LRRC27: variants seen among roughly 807,000 people sequenced by gnomAD.
LRRC27 encodes leucine rich repeat containing 27.
LRRC27 carries 57 observed loss-of-function variants against 55.0 expected under a neutral mutation model. The ratio of observed to expected loss-of-function variants is 1.04; its 90% confidence interval spans 0.84 to 1.29. LRRC27 has a LOEUF of 1.29. Among genes scored for constraint, LRRC27 ranks in the 50% most tolerant of loss-of-function variants. The pLI is 0.00. For missense variants in LRRC27, 721 were observed against 651.5 expected (o/e 1.11, Z -1.16); for synonymous variants, 278 against 251.9 (o/e 1.10, Z -0.98).
chr10:132,335,895 T>C (rs1485215735), intron 2 of LRRC27, among the ~76,000 whole-genome samples: 1 of 152,208 alleles, frequency 6.6e-6, no homozygotes, highest in Non-Finnish European at 1.5e-5. Flanking sequence ...ACTTTCATCT[T>C]AGACTAATCT....
intron 2 of LRRC27, chr10:132,336,770 G>T (rs374902106): frequency 2.3e-5 from 18 of 772,242 alleles, no homozygotes; most frequent in Middle Eastern, 2.3e-4. Flanking sequence ...TCATTGTTCC[G>T]AACATCTGTT....
At chr10:132,366,769 C>A in intron 10 of LRRC27, 1 of 1,091,546 alleles carries the variant, frequency 9.2e-7, no homozygotes, top group Non-Finnish European at 1.2e-6. Context: ...GGGGAGGAAG[C>A]AACCCTGGCC....
chr10:132,344,450 C>G (rs1253230901), intron 4 of LRRC27, 48 bp from the exon 5 acceptor site: 3 of 1,531,114 alleles, frequency 2.0e-6, no homozygotes, highest in Non-Finnish European at 2.7e-6. Context: ...ATTTTCATTT[C>G]AAGAATGGTA....
At position 132,378,566 on chromosome 10, in the gene LRRC27, T is replaced by G. The variant is rs778873301; in HGVS notation, c.*3324T>G. 1 of 152,304 alleles carries G rather than the reference T, an allele frequency of 6.6e-6. No individual in the cohort carries two copies. Among genetic ancestry groups the G allele is most frequent in the Non-Finnish European group, 1.5e-5 (1 of 68,112 alleles). 9.4% of individuals were successfully genotyped at this position (152,304 alleles called of 1,614,324 possible). A position where few individuals can be genotyped will look rare whatever the true frequency, so the allele number is the denominator to read the frequency against. ...GTGTGGCTGTAACCTGCACGTCTCT[T>G]CTGTCATGTGTTCTATTTTTCATTC... On this transcript the variant is annotated 3_prime_UTR_variant, in exon 11 of 11. Coordinates refer to ENST00000368614, the MANE Select transcript of LRRC27 (RefSeq NM_030626.3).
intron 8 of LRRC27, among the ~76,000 whole-genome samples, chr10:132,360,551 G>A (rs1288293986): frequency 6.6e-6 from 1 of 152,146 alleles, no homozygotes; most frequent in African/African-American, 2.4e-5. Context: ...GATAGGAAAA[G>A]GTTGGTGGGT....
chr10:132,376,302 A>G lies in LRRC27; in HGVS notation c.*1060A>G, dbSNP rs2069336151. ...TGTCTCATGGGTCTCTGCGCCCTGCACTTCGTACTTTCCGAGAGTTTAACT... is the reference window on the plus strand; with the variant it reads ...TGTCTCATGGGTCTCTGCGCCCTGCGCTTCGTACTTTCCGAGAGTTTAACT... On this transcript the variant is annotated 3_prime_UTR_variant, in exon 11 of 11. Transcript: ENST00000368614. The G allele has an allele frequency of 1.3e-5, 2 of 152,230 alleles. No homozygotes were observed. The highest frequency in any genetic ancestry group is 2.9e-5 in the Non-Finnish European group (2 of 68,050). The allele number at this position is 152,230 out of a possible 1,614,324, so 9.4% of individuals were successfully genotyped here.
rs138072740 is a variant in LRRC27 at position 132,351,696 on chromosome 10, G to C, written c.1016G>C (p.Arg339Pro). The change falls in exon 7 of 11, where the codon CGA becomes CCA. Residue 339 changes from arginine (R) to proline (P), a missense_variant. Coordinates refer to ENST00000368614, the MANE Select transcript of LRRC27 (RefSeq NM_030626.3). ...CGAGCAAAAAGACTGGAAGAGAGCC[G>C]AGCGGCGGCGCTCCGAGAGCTCCAG... ...AIRAKRLEES[R>P]AAALRELQEK... The C allele has an allele frequency of 6.2e-7, 1 of 1,613,902 alleles. No individual in the cohort carries two copies. Among genetic ancestry groups the C allele is most frequent in the South Asian group, 1.1e-5 (1 of 91,076 alleles).
chr10:132,348,983 A>G lies in LRRC27; in HGVS notation c.926+627A>G. ...CCCAGGACAAGGGTCCCTAGGAAAC[A>G]GGCTCTGCAGAGACTACATGAGAGA... On this transcript the variant is annotated intron_variant, in intron 6 of 10. Coordinates refer to ENST00000368614, the MANE Select transcript of LRRC27 (RefSeq NM_030626.3). The surrounding 1 kb of genome is among the most constrained non-coding windows in gnomAD (Gnocchi z 4.2). 2 of 1,609,514 alleles carry G rather than the reference A, an allele frequency of 1.2e-6. No individual in the cohort carries two copies. The highest frequency in any genetic ancestry group is 1.7e-6 in the Non-Finnish European group (2 of 1,177,738).
At chr10:132,333,343 C>T in intron 1 of LRRC27, 134 bp from the exon 2 acceptor site, 1 of 378,902 alleles carries the variant, frequency 2.6e-6, no homozygotes, top group African/African-American at 2.2e-5. Context: ...GTTTAAAAGT[C>T]AAATTTTTGC....
intron 3 of LRRC27, among the ~76,000 whole-genome samples, chr10:132,341,698 G>C (rs1271297735): frequency 6.6e-6 from 1 of 152,196 alleles, no homozygotes; most frequent in Non-Finnish European, 1.5e-5. Flanking sequence ...ATACTGTGCG[G>C]TGGAAGTCTC....
At chr10:132,364,393 C>A (rs61864513) in intron 9 of LRRC27, among the ~76,000 whole-genome samples, 407 of 8,520 alleles carry the variant, frequency 0.048, 34 homozygotes, top group East Asian at 0.16. Context: ...TTACACCCAC[C>A]CTTACATCTA....
In LRRC27 at chr10:132,372,884, C is replaced by A. The variant is rs963491132; in HGVS notation, c.1417-2182C>A. Among the ~76,000 whole-genome samples the A allele has an allele frequency of 1.8e-4, 27 of 152,160 alleles. 1 individual carries two copies. The highest frequency in any genetic ancestry group is 2.7e-4 in the African/African-American group (11 of 41,442). ...CAGCCTGCACTGAGCAGCCAGCAGC[C>A]CACCACCGACACCCCGATCTCAGCC... On this transcript the variant is annotated intron_variant, in intron 10 of 10. Transcript: ENST00000368614. The surrounding 1 kb of genome is among the most constrained non-coding windows in gnomAD (Gnocchi z 4.0).
chr10:132,340,553 T>TA (rs2067363983), intron 3 of LRRC27, among the ~76,000 whole-genome samples: 1 of 152,196 alleles, frequency 6.6e-6, no homozygotes, highest in Admixed American at 6.5e-5. Flanking sequence ...TGGCTGGTTT[T>TA]ATACTAGCAA....
chr10:132,359,677 T>G, intron 8 of LRRC27, among the ~76,000 whole-genome samples: 1 of 152,254 alleles, frequency 6.6e-6, no homozygotes, highest in Non-Finnish European at 1.5e-5. Flanking sequence ...GTGGGAGCCT[T>G]GAGGCTGCGG....
At chr10:132,360,330 A>G (rs968389508) in intron 8 of LRRC27, among the ~76,000 whole-genome samples, 3 of 152,202 alleles carry the variant, frequency 2.0e-5, no homozygotes, top group African/African-American at 7.2e-5. Flanking sequence ...TCCTGACCTC[A>G]AGCAGTCCAC....
At chr10:132,352,033 G>A (rs1250641335) in intron 7 of LRRC27, among the ~76,000 whole-genome samples, 1 of 142,538 alleles carries the variant, frequency 7.0e-6, no homozygotes, top group Non-Finnish European at 1.6e-5. Flanking sequence ...TGAGGCCTCC[G>A]TGTGGGGCAG....
intron 7 of LRRC27, 90 bp downstream of exon 7, chr10:132,351,843 A>C: frequency 7.0e-7 from 1 of 1,430,504 alleles, no homozygotes; most frequent in African/African-American, 1.4e-5. Context: ...GCCTCGTGGA[A>C]GTGTTTAGTT....
intron 2 of LRRC27, chr10:132,337,064 G>T (rs144502940): frequency 7.7e-7 from 1 of 1,294,934 alleles, no homozygotes; most frequent in South Asian, 1.8e-5. Flanking sequence ...GCTGCTGATC[G>T]TAGAGAACAC....
chr10:132,342,510 G>C (rs556090638), intron 4 of LRRC27, among the ~76,000 whole-genome samples: 2 of 152,212 alleles, frequency 1.3e-5, no homozygotes. Context: ...GGCCATTGGC[G>C]CCGTCACACA....
Sources: allele counts gnomAD v4.1 joint callset (sites outside exome capture counted in the v4.1 genomes callset), GRCh38; gene constraint gnomAD v4.1.1; non-coding constraint Gnocchi (gnomAD v3.1); transcripts MANE v1.5; gene names NCBI Gene and HGNC (gene_info 2026-07-23, HGNC 2026-07-21).